Variants in DEPDC7 observed in about 807,000 individuals in gnomAD.
DEPDC7 encodes the protein DEP domain containing 7, also known as DEP domain-containing protein 7.
In DEPDC7, 41 loss-of-function variants were observed where a neutral mutation model predicts 56.6. The ratio of observed to expected loss-of-function variants is 0.72; its 90% confidence interval spans 0.56 to 0.94. The LOEUF (loss-of-function observed/expected upper bound fraction) is 0.94, where lower values mean the gene tolerates loss of function less well. Among genes scored for constraint, DEPDC7 ranks in the 40% least tolerant of loss-of-function variants. The pLI is 0.00. For missense variants in DEPDC7, 522 were observed against 596.3 expected (o/e 0.88, Z 1.30); for synonymous variants, 185 against 208.8 (o/e 0.89, Z 0.98).
At chr11:33,023,161 C>T (rs1422226989) in intron 1 of DEPDC7, among the ~76,000 whole-genome samples, 1 of 150,032 alleles carries the variant, frequency 6.7e-6, no homozygotes, top group Non-Finnish European at 1.5e-5. Flanking sequence ...ACCCAGGAGG[C>T]GGAGCTTGCA....
rs770451044 is a variant in DEPDC7, at chr11:33,028,610, T to C, written c.600T>C (p.Asn200=). 2 of 1,593,444 alleles carry C rather than the reference T, an allele frequency of 1.3e-6. No individual in the cohort carries two copies. Among genetic ancestry groups the C allele is most frequent in the South Asian group, 1.1e-5 (1 of 87,218 alleles). The change falls in exon 4 of 9, where the codon AAT becomes AAC. Residue 200 remains asparagine, a synonymous_variant. Transcript: ENST00000241051. ...GTCATTTTTCCTGTGTAGTTATTAA[T>C]GAAGTGTGGCAAGAAGAAACAATTG... is the stretch of plus-strand genomic sequence containing the variant. ...ISATLSPQVI[N]EVWQEETIGR... is the part of the protein sequence containing the mutation.
Position 33,027,782 on chromosome 11 carries a change from T to C in DEPDC7, c.561T>C (p.His187=). ...NLSLKPANSP[H]VNISATLSPQ... ...GTTTAAAGCCTGCCAACTCCCCTCA[T>C]GTAAATATCTCTGCAACCTTGTCTC... Residue 187 remains histidine, a synonymous_variant, in exon 3 of 9, where the codon CAT becomes CAC. Coordinates refer to ENST00000241051, the MANE Select transcript of DEPDC7 (RefSeq NM_001077242.2). The C allele has an allele frequency of 6.3e-7, 1 of 1,576,942 alleles. No homozygotes were observed. The highest frequency in any genetic ancestry group is 2.4e-5 in the East Asian group (1 of 42,036).
rs752705319 is a variant in DEPDC7 at position 33,027,872 on chromosome 11, T to A, written c.592+59T>A. The A allele has an allele frequency of 1.9e-5, 27 of 1,437,200 alleles. No homozygotes were observed. The African/African-American group carries it at 3.9e-4, about 21-fold the overall frequency. The allele number at this position is 1,437,200 out of a possible 1,614,324, so 89.0% of individuals were successfully genotyped here. On this transcript the variant is annotated intron_variant, in intron 3 of 8. Transcript: ENST00000241051. ...AGACAAACTTCAAAGTTATTTAAAA[T>A]TTTTTAATCTTAATCTTTATTAGAT...
chr11:33,028,822 T>G, intron 4 of DEPDC7, 30 bp downstream of exon 4: 1 of 1,537,038 alleles, frequency 6.5e-7, no homozygotes, highest in Non-Finnish European at 8.8e-7. Flanking sequence ...ATAATTTGAG[T>G]GTGTTTGTAG....
intron 2 of DEPDC7, among the ~76,000 whole-genome samples, chr11:33,026,992 A>G (rs1415615147): frequency 6.6e-6 from 1 of 152,210 alleles, no homozygotes; most frequent in African/African-American, 2.4e-5. Context: ...TAGAAAGGAA[A>G]TATGAGGATA....
At chr11:33,025,195 T>A (rs114163649) in intron 1 of DEPDC7, among the ~76,000 whole-genome samples, 2,867 of 152,104 alleles carry the variant, frequency 0.019, 95 homozygotes, top group African/African-American at 0.062. Context: ...CAGAGCACAC[T>A]CCCACCTCAG....
Position 33,033,353 on chromosome 11 carries a change from T to A in DEPDC7, c.1434T>A (p.Thr478=). The A allele has an allele frequency of 6.2e-7, 1 of 1,611,640 alleles. No individual in the cohort carries two copies. Among genetic ancestry groups the A allele is most frequent in the Non-Finnish European group, 8.5e-7 (1 of 1,179,052 alleles). The change falls in exon 9 of 9, where the codon ACT becomes ACA. Residue 478 remains threonine, a synonymous_variant. Coordinates refer to ENST00000241051, the MANE Select transcript of DEPDC7 (RefSeq NM_001077242.2). ...ATGAGCTGTTGAATTTACTAAAAACTCTTGATGAGGATTCAAAACTTTCTG... is the reference window on the plus strand; with the variant it reads ...ATGAGCTGTTGAATTTACTAAAAACACTTGATGAGGATTCAAAACTTTCTG... ...TKDELLNLLK[T]LDEDSKLSAK...
intron 3 of DEPDC7, 102 bp downstream of exon 3, chr11:33,027,915 CAGAG>C (rs1312639718): frequency 8.0e-7 from 1 of 1,248,456 alleles, no homozygotes; most frequent in Non-Finnish European, 1.1e-6. Context: ...ATTCAAAGTA[CAGAG>C]AAAGAGTGCA....
At chr11:33,024,041 T>G (rs1308187324) in intron 1 of DEPDC7, among the ~76,000 whole-genome samples, 1 of 152,072 alleles carries the variant, frequency 6.6e-6, no homozygotes, top group Non-Finnish European at 1.5e-5. Context: ...CACTGAAAAG[T>G]GTAACACATT....
At chr11:33,024,781 G>A (rs181752460) in intron 1 of DEPDC7, among the ~76,000 whole-genome samples, 3 of 141,300 alleles carry the variant, frequency 2.1e-5, no homozygotes, top group East Asian at 4.3e-4. Flanking sequence ...TGACAGAAAT[G>A]TTGTTTTGTG....
Position 33,027,731 on chromosome 11 carries a change from T to C in DEPDC7, c.510T>C (p.Ser170=). 6.4e-7 allele frequency: 1 copy of C among 1,573,736 alleles called. No individual in the cohort carries two copies. Among genetic ancestry groups the C allele is most frequent in the Non-Finnish European group, 8.6e-7 (1 of 1,166,104 alleles). The change falls in exon 3 of 9, where the codon AGT becomes AGC. Residue 170 remains serine, a synonymous_variant. Coordinates refer to ENST00000241051, the MANE Select transcript of DEPDC7 (RefSeq NM_001077242.2). ...LFKSSDIRSA[S]LEDLWENLSL... ...AGTCATCCGATATCAGATCAGCCAG[T>C]TTAGAGGACCTGTGGGAAAATCTGA...
chr11:33,027,678 C>T lies in DEPDC7; in HGVS notation c.465-8C>T, dbSNP rs1021579036. 3.4e-6 allele frequency: 5 copies of T among 1,491,790 alleles called. No homozygotes were observed. Among genetic ancestry groups the T allele is most frequent in the Non-Finnish European group, 3.6e-6 (4 of 1,124,888 alleles). 92.4% of individuals were successfully genotyped at this position (1,491,790 alleles called of 1,614,324 possible). A position where few individuals can be genotyped will look rare whatever the true frequency, so the allele number is the denominator to read the frequency against. ...TAAATGTTCATTTCTGAAATAAATT[C>T]ATTTTAGGTATGCAGATGCATTATT... On this transcript the variant is annotated splice_region_variant and splice_polypyrimidine_tract_variant and intron_variant, in intron 2 of 8. Transcript: ENST00000241051.
chr11:33,021,240 A>T (rs753478948), intron 1 of DEPDC7, among the ~76,000 whole-genome samples: 6 of 150,066 alleles, frequency 4.0e-5, no homozygotes, highest in Non-Finnish European at 8.9e-5. Context: ...ACAGAGTGAG[A>T]CACCATCTCA....
At position 33,031,427 on chromosome 11, in the gene DEPDC7, G is replaced by C. The variant is rs1340455407; in HGVS notation, c.832G>C (p.Asp278His). 1 of 1,614,058 alleles carries C rather than the reference G, an allele frequency of 6.2e-7. No homozygotes were observed. The highest frequency in any genetic ancestry group is 8.5e-7 in the Non-Finnish European group (1 of 1,180,032). The change falls in exon 5 of 9, where the codon GAC (aspartate) becomes CAC (histidine). Residue 278 changes from aspartate (D) to histidine (H), a missense_variant. Physicochemically the swap from Asp to His is moderately conservative, Grantham distance 81. Coordinates refer to ENST00000241051, the MANE Select transcript of DEPDC7 (RefSeq NM_001077242.2). ...AAIDCLEYLP[D>H]QMVVEISRSF... ...AATTGACTGTTTAGAATACCTTCCA[G>C]ACCAAATGGTGGTGGAAATAAGCAG... is the stretch of plus-strand genomic sequence containing the variant.
At position 33,028,788 on chromosome 11, in the gene DEPDC7, T is replaced by G. The variant is rs369472957; in HGVS notation, c.778T>G (p.Ser260Ala). ...DRGILKAYSD[S>A]QEDEWLSAAI... is the part of the protein sequence containing the mutation. Reference sequence around the variant, plus strand: ...AGGGATTCTCAAGGCTTATAGTGACTCTCAGTATGTGGAAATACATATAAT... The same window carrying G: ...AGGGATTCTCAAGGCTTATAGTGACGCTCAGTATGTGGAAATACATATAAT... The change falls in exon 4 of 9, where the codon TCT becomes GCT. Residue 260 changes from serine (S) to alanine (A), a missense_variant. Coordinates refer to ENST00000241051, the MANE Select transcript of DEPDC7 (RefSeq NM_001077242.2). 3.1e-6 allele frequency: 5 copies of G among 1,599,512 alleles called. No homozygotes were observed. The African/African-American group carries it at 6.7e-5, about 22-fold the overall frequency.
In DEPDC7 at chr11:33,028,677, T is replaced by G. The variant is rs765198897; in HGVS notation, c.667T>G (p.Leu223Val). ...TGTAGACCTTCCACTTCTTGACTCC[T>G]TACTGAAACAGCAAGAGGCTGTACC... ...QLVDLPLLDS[L>V]LKQQEAVPKI... The change falls in exon 4 of 9, where the codon TTA becomes GTA. Residue 223 changes from leucine (L) to valine (V), a missense_variant. Physicochemically the swap from Leu to Val is conservative, Grantham distance 32 (BLOSUM62 1). Transcript: ENST00000241051. 1.1e-5 allele frequency: 18 copies of G among 1,613,982 alleles called. No individual in the cohort carries two copies. Among genetic ancestry groups the G allele is most frequent in the Non-Finnish European group, 1.5e-5 (18 of 1,179,962 alleles).
chr11:33,021,714 T>A (rs564671272), intron 1 of DEPDC7, among the ~76,000 whole-genome samples: 2 of 152,232 alleles, frequency 1.3e-5, no homozygotes, highest in East Asian at 3.9e-4. Context: ...TGGGAATTAA[T>A]GGTCAGTGAG....
chr11:33,027,773 C>A lies in DEPDC7; in HGVS notation c.552C>A (p.Asn184Lys). 6.3e-7 allele frequency: 1 copy of A among 1,576,964 alleles called. No homozygotes were observed. Among genetic ancestry groups the A allele is most frequent in the Middle Eastern group, 1.7e-4 (1 of 5,980 alleles). Reference sequence around the variant, plus strand: ...AAAATCTGAGTTTAAAGCCTGCCAACTCCCCTCATGTAAATATCTCTGCAA... The same window carrying A: ...AAAATCTGAGTTTAAAGCCTGCCAAATCCCCTCATGTAAATATCTCTGCAA... ...LWENLSLKPA[N>K]SPHVNISATL... Residue 184 changes from asparagine (N) to lysine (K), a missense_variant, in exon 3 of 9, where the codon AAC becomes AAA. Physicochemically the swap from Asn to Lys is moderately conservative, Grantham distance 94. Coordinates refer to ENST00000241051, the MANE Select transcript of DEPDC7 (RefSeq NM_001077242.2).
chr11:33,024,590 G>A (rs1853557996), intron 1 of DEPDC7, among the ~76,000 whole-genome samples: 1 of 152,190 alleles, frequency 6.6e-6, no homozygotes, highest in African/African-American at 2.4e-5. Flanking sequence ...AGGCTATGTG[G>A]TGTAGCCTGT....
Sources: gnomAD v4.1 joint callset for allele counts (sites outside exome capture counted in the v4.1 genomes callset) on GRCh38, gnomAD v4.1.1 for gene constraint, MANE v1.5 for transcripts, NCBI Gene and HGNC (gene_info 2026-07-23, HGNC 2026-07-21) for gene names.